Variants in GRSF1 observed in about 807,000 individuals in gnomAD.
GRSF1 encodes the protein G-rich sequence factor 1.
In GRSF1, 50 loss-of-function variants were observed where a neutral mutation model predicts 51.1. The ratio of observed to expected loss-of-function variants is 0.98; its 90% CI spans 0.78 to 1.24. The LOEUF (loss-of-function observed/expected upper bound fraction) is 1.24. Ranked by LOEUF, GRSF1 falls within the 50% of genes most tolerant of loss-of-function variation. The pLI, the probability that GRSF1 is intolerant of heterozygous loss-of-function variation, is 0.00. For missense variants in GRSF1, 700 were observed against 639.7 expected (o/e 1.09, Z -1.02); for synonymous variants, 293 against 253.3 (o/e 1.16, Z -1.49).
At position 70,839,836 on chromosome 4, in the gene GRSF1, G is replaced by A. The variant is rs1228861277; in HGVS notation, c.-9C>T. ...CAGCGCGTGCCGGCCATGGACTCCG[G>A]AGGCGGCGCAGGGCCTGAAGGCAGC... is the stretch of plus-strand genomic sequence containing the variant. On this transcript the variant is annotated 5_prime_UTR_variant, in exon 1 of 10. Transcript: ENST00000254799. 4 of 1,488,490 alleles carry A rather than the reference G, an allele frequency of 2.7e-6. No homozygotes were observed. The allele number at this position is 1,488,490 out of a possible 1,614,324, so 92.2% of individuals were successfully genotyped here. A position where few individuals can be genotyped will look rare whatever the true frequency, so the allele number is the denominator to read the frequency against.
At position 70,839,703 on chromosome 4, in the gene GRSF1, C is replaced by A. The variant is rs1200508542; in HGVS notation, c.125G>T (p.Gly42Val). The A allele has an allele frequency of 3.4e-6, 5 of 1,469,780 alleles. No homozygotes were observed. The Admixed American group carries it at 1.3e-4, about 37-fold the overall frequency. 91.0% of individuals were successfully genotyped at this position (1,469,780 alleles called of 1,614,324 possible). The change falls in exon 1 of 10, where the codon GGC (glycine) becomes GTC (valine). Residue 42 changes from glycine (G) to valine (V), a missense_variant. Coordinates refer to ENST00000254799, the MANE Select transcript of GRSF1 (RefSeq NM_002092.4). ...CAGCAGGCGGCGGCGGCCCGAGACGCCCGACGGGATAGAGCCAGCGGCGGA... is the reference window on the plus strand; with the variant it reads ...CAGCAGGCGGCGGCGGCCCGAGACGACCGACGGGATAGAGCCAGCGGCGGA... ...FYSAAGSIPS[G>V]VSGRRRLLLL...
In GRSF1 at chr4:70,839,669, GAGCAGC is replaced by G; in HGVS notation, c.153_158del (p.Leu52_Leu53del). The G allele has an allele frequency of 1.4e-6, 2 of 1,425,496 alleles. No individual in the cohort carries two copies. Among genetic ancestry groups the G allele is most frequent in the Non-Finnish European group, 1.8e-6 (2 of 1,101,530 alleles). 88.3% of individuals were successfully genotyped at this position (1,425,496 alleles called of 1,614,324 possible). A position where few individuals can be genotyped will look rare whatever the true frequency, so the allele number is the denominator to read the frequency against. On this transcript the variant is annotated inframe_deletion, in exon 1 of 10. Transcript: ENST00000254799. Reference sequence around the variant, plus strand: ...GGGAGGCAGCGGCCGCGGCGGCCCCGAGCAGCAGCAGCAGGCGGCGGCGGCCCGAGA... The same window carrying G: ...GGGAGGCAGCGGCCGCGGCGGCCCCGAGCAGCAGGCGGCGGCGGCCCGAGA...
intron 1 of GRSF1, among the ~76,000 whole-genome samples, chr4:70,837,329 CCGAGGTGGG>C (rs1734253149): frequency 6.6e-6 from 1 of 151,832 alleles, no homozygotes. Context: ...CCTTGGGAGG[CCGAGGTGGG>C]CGAATCACGA....
rs1733654441 is a variant in GRSF1 at position 70,824,501 on chromosome 4, G to A, written c.1394-133C>T. 5 of 581,606 alleles carry A rather than the reference G, an allele frequency of 8.6e-6. No homozygotes were observed. In the East Asian group the frequency reaches 1.5e-4, roughly 18 times the overall value. 36.0% of individuals were successfully genotyped at this position (581,606 alleles called of 1,614,324 possible). On this transcript the variant is annotated intron_variant, in intron 8 of 9. Coordinates refer to ENST00000254799, the MANE Select transcript of GRSF1 (RefSeq NM_002092.4). ...TTCCCTAATTAAAAACAAAATTTAGGCCAGACACGGTGGCTCACGCCTATT... is the reference window on the plus strand; with the variant it reads ...TTCCCTAATTAAAAACAAAATTTAGACCAGACACGGTGGCTCACGCCTATT...
intron 3 of GRSF1, among the ~76,000 whole-genome samples, 167 bp downstream of exon 3, chr4:70,832,951 C>CA (rs1432302377): frequency 1.3e-5 from 2 of 151,670 alleles, no homozygotes; most frequent in Non-Finnish European, 2.9e-5. Flanking sequence ...CCATCCCCCC[C>CA]ACAAAAAAAA....
intron 2 of GRSF1, among the ~76,000 whole-genome samples, chr4:70,834,905 G>A (rs1027827256): frequency 1.1e-4 from 16 of 152,180 alleles, no homozygotes; most frequent in Non-Finnish European, 2.2e-4. Context: ...TTACAGGCGT[G>A]AGCCACCGCA....
upstream of GRSF1, among the ~76,000 whole-genome samples, chr4:70,840,988 AC>A (rs1348422993): frequency 1.3e-5 from 2 of 152,164 alleles, no homozygotes; most frequent in Non-Finnish European, 2.9e-5. Flanking sequence ...AGGAAGGAGA[AC>A]TTCGTTGTTT....
At chr4:70,835,826 G>A (rs1734184702) in intron 2 of GRSF1, among the ~76,000 whole-genome samples, 1 of 152,106 alleles carries the variant, frequency 6.6e-6, no homozygotes, top group Admixed American at 6.5e-5. Flanking sequence ...TCACAGTGTT[G>A]CCCAGTGTGG....
In GRSF1 at chr4:70,839,858, C is replaced by A. The variant is rs759350349; in HGVS notation, c.-31G>T. On this transcript the variant is annotated 5_prime_UTR_variant, in exon 1 of 10. Transcript: ENST00000254799. The stretch of plus-strand genomic sequence containing the variant: ...CCGGAGGCGGCGCAGGGCCTGAAGG[C>A]AGCTGCTCCAGCAGCGATGGTGGAA... The A allele has an allele frequency of 1.5e-4, 211 of 1,453,042 alleles. No individual in the cohort carries two copies. Among genetic ancestry groups the A allele is most frequent in the African/African-American group, 4.7e-4 (32 of 67,460 alleles). The allele number at this position is 1,453,042 out of a possible 1,614,324, so 90.0% of individuals were successfully genotyped here. A position where few individuals can be genotyped will look rare whatever the true frequency, so the allele number is the denominator to read the frequency against.
At chr4:70,831,815 T>G (rs1733981865) in intron 4 of GRSF1, 141 bp from the exon 5 acceptor site, 2 of 647,426 alleles carry the variant, frequency 3.1e-6, no homozygotes, top group East Asian at 3.0e-5. Context: ...AGAAAATTAT[T>G]ATGCAGTCAA....
upstream of GRSF1, chr4:70,840,022 GCTGCCCATGGTTTGGGC>G (rs1734408141): frequency 9.7e-6 from 5 of 516,212 alleles, no homozygotes; most frequent in Non-Finnish European, 1.7e-5. Context: ...CTTGGGCGGG[GCTGCCCATGGTTTGGGC>G]GGGGCTGCCC....
chr4:70,826,638 G>C (rs1433107771), intron 6 of GRSF1, among the ~76,000 whole-genome samples: 1 of 151,024 alleles, frequency 6.6e-6, no homozygotes, highest in African/African-American at 2.4e-5. Flanking sequence ...CCAGGAGTTC[G>C]AGACCAGCCT....
chr4:70,827,010 G>A (rs1212464146), intron 6 of GRSF1, among the ~76,000 whole-genome samples: 2 of 152,128 alleles, frequency 1.3e-5, no homozygotes, highest in Non-Finnish European at 2.9e-5. Flanking sequence ...TACTTCAGGC[G>A]GGCACAGTGG....
upstream of GRSF1, among the ~76,000 whole-genome samples, chr4:70,841,048 C>T (rs146759639): frequency 9.7e-4 from 147 of 152,184 alleles, 1 homozygote; most frequent in African/African-American, 3.5e-3. Context: ...ATAATCCCAG[C>T]GCTTTGGGAG....
At position 70,820,659 on chromosome 4, in the gene GRSF1, C is replaced by G. The variant is rs1351236887; in HGVS notation, c.*228G>C. ...TAAATCAGATCCTGGACAGTTTAAA[C>G]AAAAATTTTAATTTGTGGTTTATTT... On this transcript the variant is annotated 3_prime_UTR_variant, in exon 10 of 10. Coordinates refer to ENST00000254799, the MANE Select transcript of GRSF1 (RefSeq NM_002092.4). The G allele has an allele frequency of 6.6e-6, 1 of 152,342 alleles. No homozygotes were observed. Among genetic ancestry groups the G allele is most frequent in the African/African-American group, 2.4e-5 (1 of 41,438 alleles). The allele number at this position is 152,342 out of a possible 1,614,324, so 9.4% of individuals were successfully genotyped here.
intron 9 of GRSF1, among the ~76,000 whole-genome samples, 199 bp from the exon 10 acceptor site, chr4:70,821,060 A>T (rs946054685): frequency 6.6e-6 from 1 of 152,240 alleles, no homozygotes; most frequent in South Asian, 2.1e-4. Flanking sequence ...GAGTTTCAGA[A>T]TATATTTTAA....
At chr4:70,828,132 G>A in intron 5 of GRSF1, 96 bp from the exon 6 acceptor site, 2 of 860,916 alleles carry the variant, frequency 2.3e-6, no homozygotes, top group East Asian at 2.6e-5. Context: ...ATTTCCAACA[G>A]CTTATGAAAC....
At chr4:70,823,115 G>A (rs1439131539) in intron 9 of GRSF1, among the ~76,000 whole-genome samples, 2 of 152,034 alleles carry the variant, frequency 1.3e-5, no homozygotes, top group Non-Finnish European at 2.9e-5. Context: ...TAAAAAGTAG[G>A]CCGGACACAG....
intron 2 of GRSF1, among the ~76,000 whole-genome samples, chr4:70,834,550 G>A (rs1734116442): frequency 6.6e-6 from 1 of 152,060 alleles, no homozygotes; most frequent in African/African-American, 2.4e-5. Flanking sequence ...TGCTACATAG[G>A]TAAACCATGT....
Sources: gnomAD v4.1 joint callset for allele counts (sites outside exome capture counted in the v4.1 genomes callset) on GRCh38, gnomAD v4.1.1 for gene constraint, MANE v1.5 for transcripts, NCBI Gene and HGNC (gene_info 2026-07-23, HGNC 2026-07-21) for gene names.